The following FBXO16 variants were observed in gnomAD, a reference collection of about 807,000 sequenced individuals.
The protein encoded by FBXO16 is F-box only protein 16.
Under a neutral mutation model 41.0 loss-of-function variants are expected in FBXO16, and 31 were observed. That is an observed-to-expected ratio of 0.76 (90% confidence interval 0.57 to 1.02). The LOEUF is 1.02. Among genes scored for constraint, FBXO16 ranks in the 50% least tolerant of loss-of-function variants. The probability of loss-of-function intolerance (pLI) is 0.00; values close to 1 mark genes in which losing one functional copy is unlikely to be tolerated. For missense variants in FBXO16, 361 were observed against 346.2 expected, an observed-to-expected ratio of 1.04 and a Z score of -0.34; for synonymous variants, 133 against 117.8, an observed-to-expected ratio of 1.13 and a Z score of -0.84.
chr8:28,446,598 G>A (rs969463308), intron 7 of FBXO16, among the ~76,000 whole-genome samples: 9 of 151,962 alleles, frequency 5.9e-5, no homozygotes, highest in East Asian at 3.9e-4. Context: ...TTGGCCAGGC[G>A]CGGTGGCTCA....
At chr8:28,440,738 A>G (rs946507434) in intron 7 of FBXO16, among the ~76,000 whole-genome samples, 5 of 152,204 alleles carry the variant, frequency 3.3e-5, no homozygotes, top group Non-Finnish European at 7.3e-5. Context: ...AATCAGGGTA[A>G]GCAGGCAATT....
intron 7 of FBXO16, among the ~76,000 whole-genome samples, chr8:28,443,292 G>A (rs1485497716): frequency 6.6e-6 from 1 of 152,092 alleles, no homozygotes; most frequent in Non-Finnish European, 1.5e-5. Context: ...CCAAAGTGCT[G>A]GGATGACAGG....
chr8:28,463,434 GTGTA>G (rs916872776), intron 4 of FBXO16, among the ~76,000 whole-genome samples, 174 bp downstream of exon 4: 2 of 151,214 alleles, frequency 1.3e-5, no homozygotes, highest in Admixed American at 6.6e-5. Flanking sequence ...GTGTGTATAT[GTGTA>G]TGTGTGTGTT....
chr8:28,461,486 A>C (rs959540988), intron 4 of FBXO16, among the ~76,000 whole-genome samples: 18 of 152,186 alleles, frequency 1.2e-4, no homozygotes, highest in Non-Finnish European at 1.2e-4. Flanking sequence ...TATTCTAGAG[A>C]CATCTGCATT....
intron 3 of FBXO16, among the ~76,000 whole-genome samples, chr8:28,471,086 T>C (rs1803327151): frequency 6.6e-6 from 1 of 152,192 alleles, no homozygotes; most frequent in African/African-American, 2.4e-5. Flanking sequence ...CTAACAGGGA[T>C]TGAAGGGCAG....
At chr8:28,445,117 C>T (rs746251302) in intron 7 of FBXO16, among the ~76,000 whole-genome samples, 1 of 151,914 alleles carries the variant, frequency 6.6e-6, no homozygotes, top group African/African-American at 2.4e-5. Context: ...TTTAATGATG[C>T]CGTATGCTCT....
intron 7 of FBXO16, among the ~76,000 whole-genome samples, chr8:28,429,812 A>G (rs1252432326): frequency 6.6e-6 from 1 of 152,152 alleles, no homozygotes; most frequent in African/African-American, 2.4e-5. Context: ...CTCATTCCAC[A>G]AGGAAGCTCC....
intron 2 of FBXO16, among the ~76,000 whole-genome samples, chr8:28,478,515 C>T (rs1010354632): frequency 3.3e-5 from 5 of 152,110 alleles, no homozygotes; most frequent in African/African-American, 1.2e-4. Context: ...TCTGTCCCCA[C>T]CAAATCTCAT....
intron 8 of FBXO16, 95 bp downstream of exon 8, chr8:28,429,283 T>C (rs2130066218): frequency 7.1e-7 from 1 of 1,402,486 alleles, no homozygotes; most frequent in Non-Finnish European, 1.0e-6. Flanking sequence ...GTGCCCAGCC[T>C]GTTCCCATAA....
chr8:28,462,500 G>A (rs966788355), intron 4 of FBXO16, among the ~76,000 whole-genome samples: 10 of 150,546 alleles, frequency 6.6e-5, no homozygotes, highest in East Asian at 2.0e-4. Context: ...GGATGGTCTC[G>A]ATCTCCTGAC....
intron 2 of FBXO16, among the ~76,000 whole-genome samples, chr8:28,482,806 T>C (rs996380943): frequency 2.4e-4 from 37 of 152,166 alleles, no homozygotes; most frequent in Non-Finnish European, 1.9e-4. Context: ...CTCGAACCCC[T>C]GACCTCAGAT....
At chr8:28,479,743 G>T (rs1310746729) in intron 2 of FBXO16, among the ~76,000 whole-genome samples, 2 of 151,464 alleles carry the variant, frequency 1.3e-5, no homozygotes, top group Non-Finnish European at 2.9e-5. Context: ...TAGAGACAGG[G>T]TCTCTCTCTC....
At chr8:28,440,712 A>C (rs1335697935) in intron 7 of FBXO16, among the ~76,000 whole-genome samples, 1 of 152,188 alleles carries the variant, frequency 6.6e-6, no homozygotes, top group African/African-American at 2.4e-5. Flanking sequence ...GGAAAAGATA[A>C]GGGCTAATCT....
chr8:28,450,514 G>A (rs981175678), intron 6 of FBXO16, among the ~76,000 whole-genome samples: 2 of 152,128 alleles, frequency 1.3e-5, no homozygotes, highest in Admixed American at 6.6e-5. Context: ...TGAATGTCTC[G>A]GGTGTCAGGT....
chr8:28,451,477 G>A (rs1044151066), intron 6 of FBXO16, among the ~76,000 whole-genome samples: 8 of 149,044 alleles, frequency 5.4e-5, no homozygotes, highest in African/African-American at 1.5e-4. Context: ...CTCCTGCCTC[G>A]GCCTCCCAAA....
intron 7 of FBXO16, among the ~76,000 whole-genome samples, chr8:28,436,661 T>TA (rs1034242745): frequency 6.6e-6 from 1 of 152,174 alleles, no homozygotes. Context: ...ACCTGTGTCT[T>TA]AAAAAATTGG....
At chr8:28,440,613 C>G (rs953630100) in intron 7 of FBXO16, among the ~76,000 whole-genome samples, 2 of 152,098 alleles carry the variant, frequency 1.3e-5, no homozygotes, top group Non-Finnish European at 2.9e-5. Flanking sequence ...CTTGAAGAAG[C>G]ACTTTAAAAA....
intron 3 of FBXO16, among the ~76,000 whole-genome samples, chr8:28,471,096 G>T (rs1803327196): frequency 1.3e-5 from 2 of 152,218 alleles, no homozygotes; most frequent in African/African-American, 4.8e-5. Flanking sequence ...TTGAAGGGCA[G>T]AGAAGATTTG....
chr8:28,441,356 C>T (rs1469442942), intron 7 of FBXO16, among the ~76,000 whole-genome samples: 1 of 152,184 alleles, frequency 6.6e-6, no homozygotes. Flanking sequence ...TCAAGGCCTC[C>T]TCTCTCCCTA....
Sources: gnomAD v4.1 joint callset for allele counts (sites outside exome capture counted in the v4.1 genomes callset) on GRCh38, gnomAD v4.1.1 for gene constraint, MANE v1.5 for transcripts, NCBI Gene and HGNC (gene_info 2026-07-23, HGNC 2026-07-21) for gene names.